Variants in ABLIM1 observed in about 807,000 individuals in gnomAD.
ABLIM1 encodes the protein actin-binding LIM protein 1.
ABLIM1 carries 40 observed loss-of-function variants against 107.0 expected under a neutral mutation model. The ratio of observed to expected loss-of-function variants is 0.37; its 90% CI spans 0.29 to 0.49. The LOEUF (loss-of-function observed/expected upper bound fraction) is 0.49, where lower values mean the gene tolerates loss of function less well. ABLIM1 is among the 20% of genes least tolerant of loss of function. The probability of loss-of-function intolerance (pLI) is 0.97; values close to 1 mark genes in which losing one functional copy is unlikely to be tolerated. For missense variants in ABLIM1, 857 were observed against 1,008.5 expected (o/e 0.85, Z 2.04); for synonymous variants, 357 against 357.3 (o/e 1.00, Z 0.01).
At chr10:114,443,976 A>G in intron 17 of ABLIM1, 53 bp downstream of exon 17, 1 of 1,456,816 alleles carries the variant, frequency 6.9e-7, no homozygotes, top group African/African-American at 1.4e-5. Context: ...CAGGTGCCTT[A>G]CAAGCAGGTG....
chr10:114,554,652 C>T (rs1188836653), intron 4 of ABLIM1, among the ~76,000 whole-genome samples: 3 of 152,144 alleles, frequency 2.0e-5, no homozygotes, highest in African/African-American at 7.2e-5. Context: ...GCTATAATCA[C>T]GCTATTGCAC....
intron 1 of ABLIM1, among the ~76,000 whole-genome samples, chr10:114,623,587 A>G (rs1004017239): frequency 1.3e-5 from 2 of 152,364 alleles, no homozygotes; most frequent in East Asian, 3.9e-4. Flanking sequence ...CAGAAACGAC[A>G]GATTACCTGC....
rs1210552971 is a variant in ABLIM1, at chr10:114,480,828, CA to C, written c.1042-6873del. On this transcript the variant is annotated intron_variant, in intron 8 of 22. Transcript: ENST00000533213. ...TTCATGTCTTTACGTTTGATTTCAA[CA>C]ACGATTTTTACTTTCCACACACACA... 2.6e-5 allele frequency among the ~76,000 whole-genome samples: 4 copies of C among 152,138 alleles called. No homozygotes were observed. The East Asian group carries it at 7.7e-4, about 29-fold the overall frequency.
Position 114,443,931 on chromosome 10 carries a change from A to G in ABLIM1, c.1933+98T>C, listed in dbSNP as rs1589718322. On this transcript the variant is annotated intron_variant, in intron 17 of 22. Transcript: ENST00000533213. ...TCCCACACTTCCTTTCCCGTGGAAT[A>G]CTCTGTAGGTTCCACCACAAGTGAA... 5.3e-6 allele frequency: 5 copies of G among 947,144 alleles called. No individual in the cohort carries two copies. The East Asian group carries it at 1.2e-4, about 24-fold the overall frequency. The allele number at this position is 947,144 out of a possible 1,614,324, so 58.7% of individuals were successfully genotyped here. A position where few individuals can be genotyped will look rare whatever the true frequency, so the allele number is the denominator to read the frequency against.
At chr10:114,452,965 T>C (rs982761485) in intron 13 of ABLIM1, among the ~76,000 whole-genome samples, 8 of 152,252 alleles carry the variant, frequency 5.3e-5, no homozygotes, top group Admixed American at 2.0e-4. Context: ...AAACAGGAAA[T>C]ATAAAAGTAT....
chr10:114,463,561 T>A (rs2064419990), intron 12 of ABLIM1, among the ~76,000 whole-genome samples: 1 of 133,840 alleles, frequency 7.5e-6, no homozygotes, highest in Non-Finnish European at 1.6e-5. Context: ...TGTATTTATA[T>A]GTAAGGGTCA....
intron 6 of ABLIM1, among the ~76,000 whole-genome samples, chr10:114,525,676 G>T (rs1245189046): frequency 6.6e-6 from 1 of 152,128 alleles, no homozygotes; most frequent in African/African-American, 2.4e-5. Context: ...ACCTGTTTTG[G>T]TAATCTAAAT....
At chr10:114,576,185 G>T (rs558404050) in intron 2 of ABLIM1, among the ~76,000 whole-genome samples, 1 of 152,178 alleles carries the variant, frequency 6.6e-6, no homozygotes, top group South Asian at 2.1e-4. Context: ...AAAGAGGAAA[G>T]ACCTGTTATT....
chr10:114,465,934 G>T, intron 11 of ABLIM1, 107 bp from the exon 12 acceptor site: 1 of 1,257,860 alleles, frequency 8.0e-7, no homozygotes, highest in Non-Finnish European at 1.1e-6. Context: ...ATATATATTT[G>T]ATTAATATAT....
chr10:114,521,120 G>C (rs1233322158), intron 6 of ABLIM1, among the ~76,000 whole-genome samples: 2 of 152,228 alleles, frequency 1.3e-5, no homozygotes, highest in East Asian at 3.8e-4. Context: ...GGGATGAGAA[G>C]GGAGGAGGTG....
intron 1 of ABLIM1, among the ~76,000 whole-genome samples, chr10:114,720,674 G>A (rs988104219): frequency 2.0e-5 from 3 of 151,880 alleles, no homozygotes; most frequent in African/African-American, 7.3e-5. Flanking sequence ...CCTTGTTGAC[G>A]ATTTTTAGCC....
At chr10:114,524,019 A>G (rs890538218) in intron 6 of ABLIM1, among the ~76,000 whole-genome samples, 1 of 152,250 alleles carries the variant, frequency 6.6e-6, no homozygotes, top group Non-Finnish European at 1.5e-5. Flanking sequence ...TTGCTTTGCA[A>G]TCAAAAGCAG....
chr10:114,594,672 C>A (rs781019603), intron 2 of ABLIM1, among the ~76,000 whole-genome samples: 7 of 152,166 alleles, frequency 4.6e-5, no homozygotes, highest in Non-Finnish European at 8.8e-5. Context: ...ATCGTTTGAA[C>A]CTGGGAGGTG....
intron 17 of ABLIM1, among the ~76,000 whole-genome samples, chr10:114,442,342 T>G (rs1011029367): frequency 6.6e-6 from 1 of 152,214 alleles, no homozygotes; most frequent in African/African-American, 2.4e-5. Context: ...ACAGGGTATC[T>G]GTCAATGATA....
intron 16 of ABLIM1, among the ~76,000 whole-genome samples, chr10:114,444,634 G>A (rs1303577262): frequency 6.6e-6 from 1 of 152,016 alleles, no homozygotes; most frequent in Admixed American, 6.6e-5. Flanking sequence ...TATCTATCTA[G>A]TATTTTTGTA....
intron 4 of ABLIM1, among the ~76,000 whole-genome samples, chr10:114,555,076 A>G (rs2068558980): frequency 6.6e-6 from 1 of 152,188 alleles, no homozygotes. Context: ...GCGATAATCT[A>G]ACATAACTTA....
intron 20 of ABLIM1, chr10:114,439,565 A>G: frequency 2.3e-6 from 1 of 440,152 alleles, no homozygotes. Context: ...TCTTATCTTT[A>G]ATCATGATTT....
the ABLIM1 span, among the ~76,000 whole-genome samples, chr10:114,781,069 A>C: frequency 6.6e-6 from 1 of 152,194 alleles, no homozygotes; most frequent in Non-Finnish European, 1.5e-5. Context: ...GAAACAACCA[A>C]CAAGTATTTG....
At chr10:114,664,098 G>A (rs578145349) in intron 1 of ABLIM1, among the ~76,000 whole-genome samples, 7 of 152,252 alleles carry the variant, frequency 4.6e-5, no homozygotes, top group East Asian at 3.9e-4. Context: ...AGGGCTTCTC[G>A]CTCACTGGCT....
Sources: gnomAD v4.1 joint callset for allele counts (sites outside exome capture counted in the v4.1 genomes callset) on GRCh38, gnomAD v4.1.1 for gene constraint, MANE v1.5 for transcripts, NCBI Gene and HGNC (gene_info 2026-07-23, HGNC 2026-07-21) for gene names.